Variants in UBE2L6 observed in about 807,000 individuals in gnomAD.
The protein encoded by UBE2L6 is ubiquitin conjugating enzyme E2 L6.
In UBE2L6, 11 loss-of-function variants were observed where a neutral mutation model predicts 13.6. The ratio of observed to expected loss-of-function variants is 0.81; its 90% CI spans 0.51 to 1.34. The LOEUF is 1.34. Among genes scored for constraint, UBE2L6 ranks in the 40% most tolerant of loss-of-function variants. The pLI is 0.00. For missense variants in UBE2L6, 197 were observed against 199.5 expected, an observed-to-expected ratio of 0.99 and a Z score of 0.07; for synonymous variants, 74 against 83.2, an observed-to-expected ratio of 0.89 and a Z score of 0.60.
chr11:57,565,295 A>C (rs970326668), intron 1 of UBE2L6, among the ~76,000 whole-genome samples: 1 of 151,474 alleles, frequency 6.6e-6, no homozygotes, highest in African/African-American at 2.4e-5. Context: ...GGAAAGAAAT[A>C]GAAACAACAA....
chr11:57,559,759 A>G (rs1442773893), intron 2 of UBE2L6, among the ~76,000 whole-genome samples: 2 of 152,210 alleles, frequency 1.3e-5, no homozygotes, highest in Non-Finnish European at 2.9e-5. Flanking sequence ...ATCTTTAGTC[A>G]CTAATAATCG....
chr11:57,558,018 C>T (rs1945010910), intron 2 of UBE2L6, among the ~76,000 whole-genome samples: 1 of 152,198 alleles, frequency 6.6e-6, no homozygotes, highest in South Asian at 2.1e-4. Context: ...ATCTTACAGT[C>T]AGTTGAGAAA....
chr11:57,563,485 A>G (rs1945062734), intron 1 of UBE2L6, among the ~76,000 whole-genome samples: 1 of 148,826 alleles, frequency 6.7e-6, no homozygotes, highest in Admixed American at 6.7e-5. Context: ...CTGTCTCAAA[A>G]AAAAAAAAAA....
intron 2 of UBE2L6, among the ~76,000 whole-genome samples, chr11:57,559,846 A>G (rs144788502): frequency 0.011 from 1,727 of 152,354 alleles, 34 homozygotes; most frequent in African/African-American, 0.039. Flanking sequence ...TCAAGAAAAT[A>G]CCAAATAATA....
In UBE2L6 at chr11:57,552,173, T is replaced by C. The variant is rs1565157826; in HGVS notation, c.*185A>G. On this transcript the variant is annotated 3_prime_UTR_variant, in exon 4 of 4. Transcript: ENST00000287156. ...GTGGCCAGGTGAACCTGGGAGTGAG[T>C]CCATACACAACACACACACTCATAG... 1.3e-6 allele frequency: 1 copy of C among 793,948 alleles called. No homozygotes were observed. The highest frequency in any genetic ancestry group is 2.0e-6 in the Non-Finnish European group (1 of 501,780). The allele number at this position is 793,948 out of a possible 1,614,324, so 49.2% of individuals were successfully genotyped here.
rs575463393 is a variant in UBE2L6, at chr11:57,562,854, G to A, written c.28-2422C>T. On this transcript the variant is annotated intron_variant, in intron 1 of 3. Coordinates refer to ENST00000287156, the MANE Select transcript of UBE2L6 (RefSeq NM_004223.5). ...ACAGCCAAGCCCCTTCCAATACCTC[G>A]AAAGCCTTCCCAAGAAGGATGAGTA... 3.9e-5 allele frequency among the ~76,000 whole-genome samples: 6 copies of A among 152,160 alleles called. No individual in the cohort carries two copies. The East Asian group carries it at 9.7e-4, about 25-fold the overall frequency.
chr11:57,557,647 G>A (rs1945008279), intron 2 of UBE2L6, among the ~76,000 whole-genome samples: 2 of 152,064 alleles, frequency 1.3e-5, no homozygotes, highest in Admixed American at 6.5e-5. Flanking sequence ...GCCCTCCTCG[G>A]CCTCCCAAAG....
chr11:57,566,529 G>A (rs569164329), intron 1 of UBE2L6, among the ~76,000 whole-genome samples: 90 of 152,162 alleles, frequency 5.9e-4, no homozygotes, highest in Non-Finnish European at 9.9e-4. Context: ...CATGTAAACC[G>A]TTTGGCATGT....
At chr11:57,563,332 A>T (rs111670684) in intron 1 of UBE2L6, among the ~76,000 whole-genome samples, 22 of 151,842 alleles carry the variant, frequency 1.4e-4, no homozygotes, top group African/African-American at 4.1e-4. Flanking sequence ...TCTACTAAAA[A>T]TACAAAAATT....
chr11:57,554,629 CAG>C lies in UBE2L6; in HGVS notation c.124-8_124-7del. ...AGGTGGTAGGGAGGTTGGTCCTGTG[CAG>C]AGAGAAAAGGGGTCAAGCTCCAGTC... On this transcript the variant is annotated splice_polypyrimidine_tract_variant and splice_region_variant and intron_variant, in intron 2 of 3. Transcript: ENST00000287156. The C allele has an allele frequency of 6.2e-7, 1 of 1,613,954 alleles. No homozygotes were observed. The highest frequency in any genetic ancestry group is 2.2e-5 in the East Asian group (1 of 44,868).
chr11:57,561,243 A>G (rs1268325015), intron 1 of UBE2L6, among the ~76,000 whole-genome samples: 1 of 152,146 alleles, frequency 6.6e-6, no homozygotes, highest in African/African-American at 2.4e-5. Flanking sequence ...TGACTCCGGA[A>G]GACCATAGCA....
chr11:57,567,340 C>T (rs1945100545), intron 1 of UBE2L6: 1 of 593,644 alleles, frequency 1.7e-6, no homozygotes, highest in Non-Finnish European at 3.0e-6. Context: ...TTTGGGGGAG[C>T]CGGCTCATCT....
chr11:57,567,255 G>A, intron 1 of UBE2L6: 1 of 490,696 alleles, frequency 2.0e-6, no homozygotes, highest in Non-Finnish European at 3.8e-6. Flanking sequence ...AAGATGCCAA[G>A]GACTTTTCCT....
intron 2 of UBE2L6, 97 bp downstream of exon 2, chr11:57,560,240 A>C: frequency 1.1e-6 from 1 of 925,268 alleles, no homozygotes; most frequent in South Asian, 1.3e-5. Context: ...AAAGGATCTC[A>C]AGCAGGGAAA....
At chr11:57,564,440 C>T (rs1057481937) in intron 1 of UBE2L6, among the ~76,000 whole-genome samples, 1 of 152,152 alleles carries the variant, frequency 6.6e-6, no homozygotes, top group African/African-American at 2.4e-5. Context: ...CGACACCAGA[C>T]CTGTCCTACA....
At chr11:57,567,533 A>T in intron 1 of UBE2L6, 52 bp downstream of exon 1, 1 of 1,595,040 alleles carries the variant, frequency 6.3e-7, no homozygotes, top group Non-Finnish European at 8.5e-7. Context: ...GGAGGAGGGA[A>T]TGCGGGAGGC....
chr11:57,554,407 G>A (rs746522555), intron 3 of UBE2L6, 30 bp downstream of exon 3: 5 of 1,610,534 alleles, frequency 3.1e-6, no homozygotes, highest in Non-Finnish European at 4.2e-6. Context: ...CCCAGTATCA[G>A]TCCCTCCTCC....
chr11:57,552,182 A>AAC lies in UBE2L6; in HGVS notation c.*174_*175dup, dbSNP rs1432616591. On this transcript the variant is annotated 3_prime_UTR_variant, in exon 4 of 4. Transcript: ENST00000287156. ...TGAACCTGGGAGTGAGTCCATACAC[A>AAC]ACACACACACTCATAGCTCCCTTCC... is the stretch of plus-strand genomic sequence containing the variant. The AAC allele has an allele frequency of 3.4e-6, 3 of 885,340 alleles. No individual in the cohort carries two copies. The highest frequency in any genetic ancestry group is 5.2e-6 in the Non-Finnish European group (3 of 576,338). 54.8% of individuals were successfully genotyped at this position (885,340 alleles called of 1,614,324 possible).
intron 3 of UBE2L6, among the ~76,000 whole-genome samples, chr11:57,553,348 G>T (rs1944973405): frequency 6.6e-6 from 1 of 152,144 alleles, no homozygotes; most frequent in African/African-American, 2.4e-5. Flanking sequence ...GCAAAAATTA[G>T]CCAGGTATAG....
Sources: allele counts gnomAD v4.1 joint callset (sites outside exome capture counted in the v4.1 genomes callset), GRCh38; gene constraint gnomAD v4.1.1; transcripts MANE v1.5; gene names NCBI Gene and HGNC (gene_info 2026-07-23, HGNC 2026-07-21).